Variants in BPIFB4 observed in about 807,000 individuals in gnomAD.
BPIFB4 encodes BPI fold-containing family B member 4.
BPIFB4 carries 62 observed loss-of-function variants against 69.2 expected under a neutral mutation model. The observed-to-expected ratio is 0.90, with a 90% confidence interval of 0.73 to 1.11. The LOEUF (loss-of-function observed/expected upper bound fraction) is 1.11. BPIFB4 is among the 50% of genes least tolerant of loss of function. The pLI is 0.00. For missense variants in BPIFB4, 789 were observed against 792.0 expected (o/e 1.00, Z 0.04); for synonymous variants, 330 against 332.7 (o/e 0.99, Z 0.09).
At chr20:33,086,673 T>C (rs2146404674) in intron 7 of BPIFB4, among the ~76,000 whole-genome samples, 1 of 152,234 alleles carries the variant, frequency 6.6e-6, no homozygotes, top group Admixed American at 6.5e-5. Context: ...CCAACAGGGG[T>C]TGTGTGCGTT....
chr20:33,095,056 C>T (rs752553532), intron 11 of BPIFB4, 44 bp from the exon 12 acceptor site: 6 of 1,545,614 alleles, frequency 3.9e-6, no homozygotes, highest in East Asian at 2.2e-5. Context: ...CTGTCTGTAC[C>T]GATAGCCTCC....
intron 3 of BPIFB4, among the ~76,000 whole-genome samples, chr20:33,082,427 C>T (rs189914064): frequency 2.6e-5 from 4 of 152,114 alleles, no homozygotes; most frequent in African/African-American, 7.2e-5. Flanking sequence ...TCCTCCTCCC[C>T]GTTTCAAGCG....
At chr20:33,101,615 G>T (rs1335154589) in intron 14 of BPIFB4, among the ~76,000 whole-genome samples, 1 of 152,062 alleles carries the variant, frequency 6.6e-6, no homozygotes. Context: ...GTACAGTCAC[G>T]GCTCACTGCA....
chr20:33,085,139 C>T (rs963704069), intron 6 of BPIFB4, 143 bp downstream of exon 6: 2 of 1,438,216 alleles, frequency 1.4e-6, no homozygotes, highest in African/African-American at 1.4e-5. Context: ...GCGGTGAAAA[C>T]AGCCTAGCAC....
At chr20:33,111,272 G>A (rs1982229746) in intron 17 of BPIFB4, 142 bp from the exon 18 acceptor site, 1 of 1,039,716 alleles carries the variant, frequency 9.6e-7, no homozygotes. Flanking sequence ...TGCTCCTCGG[G>A]CCTGCATGAC....
At chr20:33,098,987 T>C (rs555292959) in intron 13 of BPIFB4, among the ~76,000 whole-genome samples, 1 of 136,896 alleles carries the variant, frequency 7.3e-6, no homozygotes, top group South Asian at 2.2e-4. Context: ...CTTACTTCCT[T>C]TTTTTTTTTT....
intron 17 of BPIFB4, among the ~76,000 whole-genome samples, chr20:33,110,478 T>C (rs1982203237): frequency 6.6e-6 from 1 of 152,204 alleles, no homozygotes; most frequent in African/African-American, 2.4e-5. Context: ...ATTTTTCCCT[T>C]AGTAGCTAAT....
Position 33,092,446 on chromosome 20 carries a change from CTT to C in BPIFB4, c.1144-11_1144-10del, listed in dbSNP as rs755760238. On this transcript the variant is annotated splice_polypyrimidine_tract_variant and intron_variant, in intron 10 of 17. Coordinates refer to ENST00000375483, the MANE Select transcript of BPIFB4 (RefSeq NM_182519.3). ...TCCCTCCCTGTGACCCCTTTCTTCTCTTCTCCCCCAGACGCTGGTTGGGGAGG... is the reference window on the plus strand; with the variant it reads ...TCCCTCCCTGTGACCCCTTTCTTCTCCTCCCCCAGACGCTGGTTGGGGAGG... The C allele has an allele frequency of 9.9e-6, 16 of 1,608,362 alleles. No homozygotes were observed. The East Asian group carries it at 3.3e-4, about 34-fold the overall frequency.
At position 33,104,794 on chromosome 20, in the gene BPIFB4, C is replaced by T; in HGVS notation, c.1681-16C>T. On this transcript the variant is annotated splice_polypyrimidine_tract_variant and intron_variant, in intron 15 of 17. Coordinates refer to ENST00000375483, the MANE Select transcript of BPIFB4 (RefSeq NM_182519.3). ...AAACCCCCTGCCCAGGCTCTGTCCT[C>T]CTTCTTCCTCTGCAGATTGGCCTCA... The T allele has an allele frequency of 6.2e-7, 1 of 1,613,828 alleles. No homozygotes were observed. The highest frequency in any genetic ancestry group is 1.3e-5 in the African/African-American group (1 of 75,040).
chr20:33,111,354 A>G, intron 17 of BPIFB4, 60 bp from the exon 18 acceptor site: 1 of 1,606,550 alleles, frequency 6.2e-7, no homozygotes. Flanking sequence ...GCAGGTGAGT[A>G]GCAAGGCTCT....
chr20:33,087,449 C>G (rs1981463025), intron 7 of BPIFB4, among the ~76,000 whole-genome samples: 1 of 152,124 alleles, frequency 6.6e-6, no homozygotes, highest in African/African-American at 2.4e-5. Flanking sequence ...GGAGAATTTT[C>G]TGCATCCAAA....
At chr20:33,089,078 A>T in intron 8 of BPIFB4, 49 bp downstream of exon 8, 2 of 1,612,744 alleles carry the variant, frequency 1.2e-6, no homozygotes, top group Non-Finnish European at 1.7e-6. Context: ...CTTCCCCCAG[A>T]CTGAGGGGCC....
At chr20:33,090,252 A>G (rs1219143221) in intron 9 of BPIFB4, among the ~76,000 whole-genome samples, 1 of 152,250 alleles carries the variant, frequency 6.6e-6, no homozygotes, top group Non-Finnish European at 1.5e-5. Context: ...TTTCCAAGAC[A>G]GGGAAATCTC....
intron 13 of BPIFB4, among the ~76,000 whole-genome samples, chr20:33,098,432 T>C (rs962694509): frequency 6.6e-6 from 1 of 152,092 alleles, no homozygotes; most frequent in Non-Finnish European, 1.5e-5. Flanking sequence ...AATTATTTCA[T>C]AGAAAGGAAT....
chr20:33,102,943 T>A (rs748187088), intron 14 of BPIFB4, 29 bp from the exon 15 acceptor site: 3 of 1,612,532 alleles, frequency 1.9e-6, no homozygotes, highest in Non-Finnish European at 2.5e-6. Context: ...CAATCCCTGC[T>A]TCTCACAGGC....
chr20:33,105,711 T>C (rs1031801275), intron 16 of BPIFB4, among the ~76,000 whole-genome samples: 1 of 152,196 alleles, frequency 6.6e-6, no homozygotes, highest in Non-Finnish European at 1.5e-5. Context: ...TGGAGCCATC[T>C]TGATGTCAAA....
intron 6 of BPIFB4, 85 bp from the exon 7 acceptor site, chr20:33,085,936 G>A (rs990879628): frequency 2.0e-6 from 3 of 1,478,212 alleles, no homozygotes; most frequent in Non-Finnish European, 2.8e-6. Context: ...AGATGGCAGG[G>A]ACAGCAAGGA....
At chr20:33,099,926 GGA>G (rs5841125) in intron 13 of BPIFB4, among the ~76,000 whole-genome samples, 85,244 of 151,402 alleles carry the variant, frequency 0.56, 24,517 homozygotes, top group Middle Eastern at 0.62. Flanking sequence ...GCCTCTACTT[GGA>G]GAGAGAGAGA....
At chr20:33,097,533 T>A in intron 12 of BPIFB4, 84 bp from the exon 13 acceptor site, 1 of 1,402,214 alleles carries the variant, frequency 7.1e-7, no homozygotes, top group Non-Finnish European at 9.8e-7. Context: ...ACCCCGGTGC[T>A]CTGTGTTTAG....
Sources: gnomAD v4.1 joint callset for allele counts (sites outside exome capture counted in the v4.1 genomes callset) on GRCh38, gnomAD v4.1.1 for gene constraint, MANE v1.5 for transcripts, NCBI Gene and HGNC (gene_info 2026-07-23, HGNC 2026-07-21) for gene names.